The following CPD variants were observed in gnomAD, a reference collection of about 807,000 sequenced individuals.
CPD encodes carboxypeptidase D.
CPD carries 69 observed loss-of-function variants against 138.3 expected under a neutral mutation model. The observed-to-expected ratio is 0.50, with a 90% confidence interval of 0.41 to 0.61. CPD has a LOEUF of 0.61. Ranked by LOEUF, CPD falls within the 20% of genes least tolerant of loss-of-function variation. The probability of loss-of-function intolerance (pLI) is 0.00; values close to 1 mark genes in which losing one functional copy is unlikely to be tolerated. For synonymous variants in CPD, 651 were observed against 642.1 expected, an observed-to-expected ratio of 1.01 and a Z score of -0.21; for missense variants, 1,432 against 1,733.3, an observed-to-expected ratio of 0.83 and a Z score of 3.09.
chr17:30,409,105 T>G (rs1317547915), intron 2 of CPD, among the ~76,000 whole-genome samples: 5 of 121,654 alleles, frequency 4.1e-5, no homozygotes, highest in Non-Finnish European at 6.8e-5. Context: ...CAGTATCTAT[T>G]GAGATAATCA....
intron 2 of CPD, among the ~76,000 whole-genome samples, chr17:30,416,548 T>C (rs1339445097): frequency 1.3e-5 from 2 of 152,224 alleles, no homozygotes; most frequent in Non-Finnish European, 2.9e-5. Flanking sequence ...TTTATGATGT[T>C]GTTTTGCCAG....
At chr17:30,449,440 G>A (rs957574518) in intron 12 of CPD, 113 bp from the exon 13 acceptor site, 22 of 940,358 alleles carry the variant, frequency 2.3e-5, no homozygotes, top group Non-Finnish European at 2.8e-5. Context: ...ACTCTTTAAA[G>A]ACTTTTTAAA....
rs189782991 is a variant in CPD at position 30,434,607 on chromosome 17, G to A, written c.2127+2726G>A. ...AAGTACAATTTAAAAGGAGAGGATG[G>A]TTACAGGGAGATCTTCCAAACTCAT... On this transcript the variant is annotated intron_variant, in intron 8 of 20. Transcript: ENST00000225719. 2.1e-3 allele frequency among the ~76,000 whole-genome samples: 313 copies of A among 152,192 alleles called. 3 individuals carry two copies. Among genetic ancestry groups the A allele is most frequent in the Admixed American group, 0.02 (299 of 15,274 alleles).
intron 2 of CPD, among the ~76,000 whole-genome samples, chr17:30,396,429 G>A (rs12453463): frequency 0.52 from 78,788 of 151,844 alleles, 21,101 homozygotes; most frequent in East Asian, 0.82. Flanking sequence ...AGCATTGGCT[G>A]TATTTTTTCT....
At chr17:30,442,276 CA>C (rs768850556) in intron 9 of CPD, 31 bp from the exon 10 acceptor site, 1 of 1,604,440 alleles carries the variant, frequency 6.2e-7, no homozygotes, top group Non-Finnish European at 8.5e-7. Context: ...AGAACTTCTT[CA>C]GAGTGACTAA....
rs1390658532 is a variant in CPD, at chr17:30,468,118, A to G, written c.*3304A>G. The G allele has an allele frequency of 1.3e-5, 2 of 152,490 alleles. No homozygotes were observed. Among genetic ancestry groups the G allele is most frequent in the South Asian group, 2.1e-4 (1 of 4,832 alleles). 9.4% of individuals were successfully genotyped at this position (152,490 alleles called of 1,614,324 possible). On this transcript the variant is annotated 3_prime_UTR_variant, in exon 21 of 21. Transcript: ENST00000225719. ...CTAGTTCATGAAGAAATCTCTCCCAATACCCATTTATCCTATTTTTAGCAA... is the reference window on the plus strand; with the variant it reads ...CTAGTTCATGAAGAAATCTCTCCCAGTACCCATTTATCCTATTTTTAGCAA...
In CPD at chr17:30,424,871, G is replaced by T. The variant is rs1157031018; in HGVS notation, c.1849+1174G>T. On this transcript the variant is annotated intron_variant, in intron 6 of 20. Coordinates refer to ENST00000225719, the MANE Select transcript of CPD (RefSeq NM_001304.5). ...TATGGAGCCTCATGACTTATTACTA[G>T]CACTGACCTGACCATTGGGAGGATC... Among the ~76,000 whole-genome samples the T allele has an allele frequency of 3.9e-5, 6 of 152,116 alleles. No homozygotes were observed. In the East Asian group the frequency reaches 1.2e-3, roughly 29 times the overall value.
Position 30,461,159 on chromosome 17 carries a change from AT to A in CPD, c.3499-17del. 1 of 1,560,304 alleles carries A rather than the reference AT, an allele frequency of 6.4e-7. No individual in the cohort carries two copies. The highest frequency in any genetic ancestry group is 8.7e-7 in the Non-Finnish European group (1 of 1,154,618). ...TTACTTATTAATTTTCCCACATTTG[AT>A]TTTGAACTTTATATTCTAGGATTAT... On this transcript the variant is annotated intron_variant, in intron 17 of 20. Coordinates refer to ENST00000225719, the MANE Select transcript of CPD (RefSeq NM_001304.5).
rs775935473 is a variant in CPD at position 30,422,764 on chromosome 17, A to C, written c.1398A>C (p.Val466=). The C allele has an allele frequency of 2.5e-6, 4 of 1,613,992 alleles. No individual in the cohort carries two copies. In the African/African-American group the frequency reaches 5.3e-5, roughly 22 times the overall value. Residue 466 remains valine, a synonymous_variant, in exon 5 of 21, where the codon GTA becomes GTC. Transcript: ENST00000225719. Reference sequence around the variant, plus strand: ...CTCTTAGGCCAACTGTAACTTCAGTAATCCCTGACACGACAGAGGCTGTAT... The same window carrying C: ...CTCTTAGGCCAACTGTAACTTCAGTCATCCCTGACACGACAGAGGCTGTAT... ...DFSLRPTVTS[V]IPDTTEAVST... is the part of the protein sequence containing the mutation.
chr17:30,410,101 C>G (rs889608872), intron 2 of CPD, among the ~76,000 whole-genome samples: 1 of 152,150 alleles, frequency 6.6e-6, no homozygotes, highest in Non-Finnish European at 1.5e-5. Flanking sequence ...TTTCTGCCTT[C>G]ATTTCGTTAT....
At chr17:30,437,233 A>G (rs1912727204) in intron 8 of CPD, among the ~76,000 whole-genome samples, 1 of 152,152 alleles carries the variant, frequency 6.6e-6, no homozygotes, top group South Asian at 2.1e-4. Context: ...ATACAACTCT[A>G]TGAATACTAA....
Position 30,431,875 on chromosome 17 carries a change from T to C in CPD, c.2121T>C (p.Tyr707=). 6.3e-7 allele frequency: 1 copy of C among 1,584,058 alleles called. No homozygotes were observed. Among genetic ancestry groups the C allele is most frequent in the South Asian group, 1.1e-5 (1 of 88,594 alleles). ...TGTTCCAACAAATAGCACTTTCTTA[T>C]TCCAAGGTAGGCTTGTCTTTGAATA... ...DAVFQQIALS[Y]SKENSQMFQG... The change falls in exon 8 of 21, where the codon TAT becomes TAC. Residue 707 remains tyrosine, a synonymous_variant. Transcript: ENST00000225719.
intron 8 of CPD, 72 bp downstream of exon 8, chr17:30,431,953 C>T: frequency 9.4e-7 from 1 of 1,059,292 alleles, no homozygotes; most frequent in Non-Finnish European, 1.4e-6. Flanking sequence ...TAAAGTCCTG[C>T]AAGACTCAGG....
chr17:30,466,745 T>C lies in CPD; in HGVS notation c.*1931T>C, dbSNP rs995378568. On this transcript the variant is annotated 3_prime_UTR_variant, in exon 21 of 21. Coordinates refer to ENST00000225719, the MANE Select transcript of CPD (RefSeq NM_001304.5). The stretch of plus-strand genomic sequence containing the variant: ...CAAAGTTAATGTGACAAGCTTTGCT[T>C]TGTTATCATTGGTCTTCACTAGAGG... 1 of 152,604 alleles carries C rather than the reference T, an allele frequency of 6.6e-6. No homozygotes were observed. Among genetic ancestry groups the C allele is most frequent in the Non-Finnish European group, 1.5e-5 (1 of 68,004 alleles). The allele number at this position is 152,604 out of a possible 1,614,324, so 9.5% of individuals were successfully genotyped here.
intron 6 of CPD, among the ~76,000 whole-genome samples, chr17:30,424,898 G>A (rs961266208): frequency 1.8e-4 from 28 of 152,210 alleles, no homozygotes; most frequent in Non-Finnish European, 2.5e-4. Context: ...GGGAGGATCA[G>A]TTGGTCATTA....
At position 30,379,002 on chromosome 17, in the gene CPD, C is replaced by T. The variant is rs1446288402; in HGVS notation, c.22C>T (p.Arg8Trp). 11 of 1,545,306 alleles carry T rather than the reference C, an allele frequency of 7.1e-6. No individual in the cohort carries two copies. The highest frequency in any genetic ancestry group is 8.7e-6 in the Non-Finnish European group (10 of 1,155,932). MASGRDERPPWRLGRLLL... is the reference protein window; with the variant it reads MASGRDEWPPWRLGRLLL... ...GAAGATGGCGAGCGGCCGGGACGAG[C>T]GGCCGCCTTGGCGGCTAGGGCGGCT... Residue 8 changes from arginine to tryptophan, a missense_variant, in exon 1 of 21, where the codon CGG becomes TGG. Coordinates refer to ENST00000225719, the MANE Select transcript of CPD (RefSeq NM_001304.5). The surrounding 1 kb of genome is among the most constrained non-coding windows in gnomAD (Gnocchi z 7.0).
chr17:30,386,146 C>G (rs1911180309), intron 2 of CPD, among the ~76,000 whole-genome samples: 1 of 152,176 alleles, frequency 6.6e-6, no homozygotes, highest in Non-Finnish European at 1.5e-5. Flanking sequence ...ACTCCTGCCT[C>G]AATCTCCTGA....
intron 20 of CPD, among the ~76,000 whole-genome samples, chr17:30,463,151 C>T (rs564609810): frequency 2.2e-4 from 33 of 152,310 alleles, no homozygotes; most frequent in Non-Finnish European, 3.8e-4. Context: ...TTTGGGGGGC[C>T]TGTTCCCAAC....
intron 7 of CPD, 124 bp downstream of exon 7, chr17:30,427,682 C>T: frequency 1.2e-6 from 1 of 805,772 alleles, no homozygotes; most frequent in Non-Finnish European, 2.0e-6. Flanking sequence ...GCTCTTATGG[C>T]AGACAACAGT....
Sources: allele counts gnomAD v4.1 joint callset (sites outside exome capture counted in the v4.1 genomes callset), GRCh38; gene constraint gnomAD v4.1.1; non-coding constraint Gnocchi (gnomAD v3.1); transcripts MANE v1.5; gene names NCBI Gene and HGNC (gene_info 2026-07-23, HGNC 2026-07-21).